The following SUGCT variants were observed in gnomAD, a reference collection of about 807,000 sequenced individuals.
SUGCT encodes the protein succinyl-CoA:glutarate-CoA transferase, also known as succinyl-CoA:glutarate CoA-transferase.
Under a neutral mutation model 55.0 loss-of-function variants are expected in SUGCT, and 41 were observed. The ratio of observed to expected loss-of-function variants is 0.74; its 90% CI spans 0.58 to 0.97. The LOEUF (loss-of-function observed/expected upper bound fraction) is 0.97, where lower values mean the gene tolerates loss of function less well. SUGCT is among the 50% of genes least tolerant of loss of function. The pLI is 0.00. For missense variants in SUGCT, 568 were observed against 547.8 expected (o/e 1.04, Z -0.37); for synonymous variants, 187 against 200.4 (o/e 0.93, Z 0.56).
intron 7 of SUGCT, among the ~76,000 whole-genome samples, chr7:40,249,833 C>G (rs1790239058): frequency 6.6e-6 from 1 of 152,128 alleles, no homozygotes; most frequent in African/African-American, 2.4e-5. Context: ...GTCGCCTAGT[C>G]TGGAGTGCAG....
intron 1 of SUGCT, among the ~76,000 whole-genome samples, chr7:40,169,294 G>A (rs1464226454): frequency 6.6e-6 from 1 of 152,176 alleles, no homozygotes; most frequent in Non-Finnish European, 1.5e-5. Flanking sequence ...GAAGTATCTA[G>A]TGACTGCCTG....
At chr7:40,774,788 A>C (rs987342015) in intron 13 of SUGCT, among the ~76,000 whole-genome samples, 4 of 152,036 alleles carry the variant, frequency 2.6e-5, no homozygotes, top group Non-Finnish European at 4.4e-5. Context: ...AAAAAAAAAA[A>C]AAAACCCACA....
intron 13 of SUGCT, among the ~76,000 whole-genome samples, chr7:40,793,784 A>T (rs2128746481): frequency 6.6e-6 from 1 of 152,082 alleles, no homozygotes; most frequent in South Asian, 2.1e-4. Flanking sequence ...GTTAACCCTG[A>T]TTACTTTATC....
the SUGCT span, among the ~76,000 whole-genome samples, chr7:40,949,636 G>A: frequency 6.6e-6 from 1 of 152,148 alleles, no homozygotes; most frequent in Non-Finnish European, 1.5e-5. Flanking sequence ...TTTGTATAAG[G>A]TGTAAGGAAG....
At chr7:41,005,900 C>G in the SUGCT span, among the ~76,000 whole-genome samples, 4 of 152,206 alleles carry the variant, frequency 2.6e-5, no homozygotes, top group African/African-American at 9.6e-5. Context: ...GACCTCCGAG[C>G]ATTCCAGGAA....
At chr7:40,397,137 G>A (rs1785778241) in intron 9 of SUGCT, among the ~76,000 whole-genome samples, 1 of 152,102 alleles carries the variant, frequency 6.6e-6, no homozygotes, top group Non-Finnish European at 1.5e-5. Context: ...CCTTTCCAGC[G>A]ATATCTCCCA....
intron 9 of SUGCT, among the ~76,000 whole-genome samples, chr7:40,362,937 A>G (rs1412542310): frequency 6.6e-6 from 1 of 152,212 alleles, no homozygotes; most frequent in Admixed American, 6.5e-5. Context: ...GAAAAATGCA[A>G]ACAAAAAAAT....
chr7:40,673,331 G>A (rs892186097), intron 12 of SUGCT, among the ~76,000 whole-genome samples: 1 of 152,104 alleles, frequency 6.6e-6, no homozygotes, highest in East Asian at 1.9e-4. Flanking sequence ...CACCAACATG[G>A]ATTCTAATGC....
chr7:40,597,422 A>G (rs1359516179), intron 12 of SUGCT, among the ~76,000 whole-genome samples: 2 of 152,198 alleles, frequency 1.3e-5, no homozygotes, highest in Non-Finnish European at 2.9e-5. Context: ...AATATAATTC[A>G]ATTTATTGTA....
At chr7:40,221,075 AAAAC>A (rs1787992269) in intron 6 of SUGCT, among the ~76,000 whole-genome samples, 1 of 152,302 alleles carries the variant, frequency 6.6e-6, no homozygotes, top group Admixed American at 6.5e-5. Flanking sequence ...AACAACCCGA[AAAAC>A]AAAAGGCAGT....
intron 1 of SUGCT, among the ~76,000 whole-genome samples, chr7:40,163,307 A>G (rs1005043076): frequency 6.6e-5 from 10 of 152,038 alleles, no homozygotes; most frequent in African/African-American, 2.4e-4. Flanking sequence ...TCAAGCTTTT[A>G]TTAAAAAAGT....
chr7:40,664,453 C>A (rs1427788549), intron 12 of SUGCT, among the ~76,000 whole-genome samples: 1 of 152,094 alleles, frequency 6.6e-6, no homozygotes, highest in Non-Finnish European at 1.5e-5. Context: ...ATCATAATGC[C>A]AGGAGCATAA....
At chr7:40,685,536 G>A (rs986153757) in intron 12 of SUGCT, among the ~76,000 whole-genome samples, 5 of 152,054 alleles carry the variant, frequency 3.3e-5, no homozygotes, top group African/African-American at 9.7e-5. Context: ...ATTGGTAATC[G>A]GCCAGATGCC....
At chr7:40,649,391 G>C (rs562672047) in intron 12 of SUGCT, among the ~76,000 whole-genome samples, 2 of 151,928 alleles carry the variant, frequency 1.3e-5, no homozygotes, top group African/African-American at 4.8e-5. Context: ...TCACACCTCT[G>C]CTTTACAGAT....
intron 13 of SUGCT, among the ~76,000 whole-genome samples, chr7:40,762,913 A>G (rs1360459535): frequency 6.6e-6 from 1 of 151,918 alleles, no homozygotes; most frequent in Non-Finnish European, 1.5e-5. Context: ...CCCAGGTTCA[A>G]GTTATTCTCC....
chr7:40,893,257 A>AT, the SUGCT span, among the ~76,000 whole-genome samples: 82 of 152,340 alleles, frequency 5.4e-4, no homozygotes, highest in African/African-American at 1.9e-3. Context: ...TCAACAATGA[A>AT]TAGATTATCT....
intron 12 of SUGCT, among the ~76,000 whole-genome samples, chr7:40,597,282 C>T (rs1798061648): frequency 6.6e-6 from 1 of 152,148 alleles, no homozygotes; most frequent in African/African-American, 2.4e-5. Flanking sequence ...CTCAGCAAAA[C>T]ATCTTGGAGA....
intron 12 of SUGCT, among the ~76,000 whole-genome samples, chr7:40,627,201 A>G (rs1380959243): frequency 6.6e-6 from 1 of 152,244 alleles, no homozygotes; most frequent in Non-Finnish European, 1.5e-5. Flanking sequence ...ATGCACAAAC[A>G]AAGCAAGGAA....
rs569522524 is a variant in SUGCT, at chr7:40,677,817, A to G, written c.1090-71617A>G. 3.0e-4 allele frequency among the ~76,000 whole-genome samples: 46 copies of G among 152,314 alleles called. 1 individual carries two copies. In the South Asian group the frequency reaches 9.3e-3, roughly 31 times the overall value. On this transcript the variant is annotated intron_variant, in intron 12 of 13. Coordinates refer to ENST00000335693, the MANE Select transcript of SUGCT (RefSeq NM_001193313.2). ...CAAATGTAGTGGCTTTAAACAAAAT[A>G]AGTGTTTCTTATTTTTCACAGTTTC... is the stretch of plus-strand genomic sequence containing the variant.
Sources: gnomAD v4.1 joint callset for allele counts (sites outside exome capture counted in the v4.1 genomes callset) on GRCh38, gnomAD v4.1.1 for gene constraint, MANE v1.5 for transcripts, NCBI Gene and HGNC (gene_info 2026-07-23, HGNC 2026-07-21) for gene names.